LRRC4C: variants seen among roughly 807,000 people sequenced by gnomAD.
LRRC4C encodes the protein leucine rich repeat containing 4C.
Under a neutral mutation model 33.6 loss-of-function variants are expected in LRRC4C, and 5 were observed. The ratio of observed to expected loss-of-function variants is 0.15; its 90% CI spans 0.08 to 0.31. LRRC4C has a LOEUF of 0.31. Ranked by LOEUF, LRRC4C falls within the 10% of genes least tolerant of loss-of-function variation. The probability of loss-of-function intolerance (pLI) is 1.00; values close to 1 mark genes in which losing one functional copy is unlikely to be tolerated. For synonymous variants in LRRC4C, 329 were observed against 302.0 expected (o/e 1.09, Z -0.93); for missense variants, 560 against 796.7 (o/e 0.70, Z 3.58).
chr11:40,479,736 G>A lies in LRRC4C; in HGVS notation c.-269-160015C>T, dbSNP rs547054430. Among the ~76,000 whole-genome samples, 7 of 152,030 alleles carry A rather than the reference G, an allele frequency of 4.6e-5. No individual in the cohort carries two copies. The East Asian group carries it at 1.2e-3, about 25-fold the overall frequency. ...ATTTTATTTCTTAAGAAAACCCAACGTTTGTTTTCTTGCAAGATTTTCATT... is the reference window on the plus strand; with the variant it reads ...ATTTTATTTCTTAAGAAAACCCAACATTTGTTTTCTTGCAAGATTTTCATT... On this transcript the variant is annotated intron_variant, in intron 3 of 6. Coordinates refer to ENST00000528697, the MANE Select transcript of LRRC4C (RefSeq NM_001258419.2).
At chr11:40,867,125 C>A (rs1954405395) in intron 2 of LRRC4C, among the ~76,000 whole-genome samples, 1 of 152,140 alleles carries the variant, frequency 6.6e-6, no homozygotes, top group South Asian at 2.1e-4. Context: ...ACTTATTTTG[C>A]TTTCTCCAGT....
intron 2 of LRRC4C, among the ~76,000 whole-genome samples, chr11:40,871,735 C>T (rs570258190): frequency 6.6e-6 from 1 of 152,070 alleles, no homozygotes; most frequent in South Asian, 2.1e-4. Context: ...TTAAAAGGAC[C>T]GTTCAGGCAT....
chr11:40,260,024 T>C (rs1402386796), intron 4 of LRRC4C, among the ~76,000 whole-genome samples: 1 of 141,838 alleles, frequency 7.1e-6, no homozygotes, highest in Non-Finnish European at 1.5e-5. Flanking sequence ...GAACTAGAAA[T>C]ACCATTTGAC....
chr11:40,397,142 T>C (rs1487263546), intron 3 of LRRC4C, among the ~76,000 whole-genome samples: 1 of 152,098 alleles, frequency 6.6e-6, no homozygotes, highest in Non-Finnish European at 1.5e-5. Context: ...GTAACGTATA[T>C]TTAAATGATC....
intron 2 of LRRC4C, among the ~76,000 whole-genome samples, chr11:40,798,145 A>T (rs1048421970): frequency 6.6e-6 from 1 of 152,240 alleles, no homozygotes; most frequent in Non-Finnish European, 1.5e-5. Flanking sequence ...AGAGGTCTGC[A>T]TGTGTAAGAT....
chr11:40,384,655 C>T (rs1484457816), intron 3 of LRRC4C, among the ~76,000 whole-genome samples: 1 of 152,094 alleles, frequency 6.6e-6, no homozygotes, highest in African/African-American at 2.4e-5. Context: ...AACAGACTTC[C>T]TAATGCCTGA....
intron 3 of LRRC4C, among the ~76,000 whole-genome samples, chr11:40,562,519 T>C (rs1399987198): frequency 9.5e-6 from 1 of 105,560 alleles, no homozygotes; most frequent in Non-Finnish European, 2.0e-5. Context: ...CTTTGCATTA[T>C]GCATGAGGAA....
intron 3 of LRRC4C, among the ~76,000 whole-genome samples, chr11:40,616,805 A>G (rs1459572392): frequency 6.6e-6 from 1 of 151,886 alleles, no homozygotes; most frequent in African/African-American, 2.4e-5. Flanking sequence ...GATATACCTA[A>G]TGTTAAATGA....
chr11:40,699,000 A>G (rs1945724504), intron 2 of LRRC4C, among the ~76,000 whole-genome samples: 1 of 152,140 alleles, frequency 6.6e-6, no homozygotes, highest in African/African-American at 2.4e-5. Context: ...GCCAAACCAT[A>G]TCCAACACAA....
chr11:40,450,739 C>T (rs1460105518), intron 3 of LRRC4C, among the ~76,000 whole-genome samples: 1 of 149,348 alleles, frequency 6.7e-6, no homozygotes, highest in Admixed American at 6.7e-5. Flanking sequence ...CATCAGTTTA[C>T]CTATACAACA....
intron 1 of LRRC4C, among the ~76,000 whole-genome samples, chr11:41,375,763 G>C (rs780676394): frequency 1.6e-4 from 25 of 152,096 alleles, no homozygotes; most frequent in Non-Finnish European, 2.9e-4. Flanking sequence ...TTGCCTGCTT[G>C]TCTATAGTAT....
intron 3 of LRRC4C, among the ~76,000 whole-genome samples, chr11:40,521,062 G>T (rs951572466): frequency 6.6e-6 from 1 of 151,962 alleles, no homozygotes; most frequent in Non-Finnish European, 1.5e-5. Flanking sequence ...CATTAATAAA[G>T]CAACAAAAGC....
At chr11:40,491,743 T>G (rs1023597270) in intron 3 of LRRC4C, among the ~76,000 whole-genome samples, 1 of 152,148 alleles carries the variant, frequency 6.6e-6, no homozygotes, top group Non-Finnish European at 1.5e-5. Context: ...CAAAATCAAC[T>G]GATTAGGGGC....
intron 3 of LRRC4C, among the ~76,000 whole-genome samples, chr11:40,546,716 G>C (rs1956939983): frequency 6.6e-6 from 1 of 152,056 alleles, no homozygotes; most frequent in Non-Finnish European, 1.5e-5. Flanking sequence ...CCAATCATCA[G>C]AATAGCAGAA....
intron 1 of LRRC4C, among the ~76,000 whole-genome samples, chr11:41,363,347 T>C (rs944361651): frequency 3.3e-5 from 5 of 152,212 alleles, no homozygotes; most frequent in Non-Finnish European, 7.3e-5. Context: ...GAGCAAAACA[T>C]CCATTCTGAA....
intron 1 of LRRC4C, among the ~76,000 whole-genome samples, chr11:41,351,635 C>T (rs1455978113): frequency 2.0e-5 from 3 of 152,176 alleles, no homozygotes; most frequent in Non-Finnish European, 4.4e-5. Context: ...ATCAGGCTAA[C>T]AGCAGAACTT....
At position 40,613,360 on chromosome 11, in the gene LRRC4C, T is replaced by G. The variant is rs1298901013; in HGVS notation, c.-270+34782A>C. ...ATGTTCACAGTATTTTGACCAGGAA[T>G]ATATTCTATCTCAAGAAACCACTTT... On this transcript the variant is annotated intron_variant, in intron 3 of 6. Transcript: ENST00000528697. Among the ~76,000 whole-genome samples the G allele has an allele frequency of 2.0e-5, 3 of 151,856 alleles. No individual in the cohort carries two copies. The East Asian group carries it at 5.8e-4, about 29-fold the overall frequency.
chr11:40,969,927 G>A (rs1360102999), intron 1 of LRRC4C, among the ~76,000 whole-genome samples: 1 of 152,104 alleles, frequency 6.6e-6, no homozygotes, highest in Non-Finnish European at 1.5e-5. Context: ...TGGGCGGTGG[G>A]TCATTGCTTT....
intron 2 of LRRC4C, among the ~76,000 whole-genome samples, chr11:40,663,639 A>G (rs1943565134): frequency 6.6e-6 from 1 of 152,222 alleles, no homozygotes; most frequent in Non-Finnish European, 1.5e-5. Flanking sequence ...CCAAACAGAA[A>G]GATGCATATC....
Sources: gnomAD v4.1 joint callset for allele counts (sites outside exome capture counted in the v4.1 genomes callset) on GRCh38, gnomAD v4.1.1 for gene constraint, MANE v1.5 for transcripts, NCBI Gene and HGNC (gene_info 2026-07-23, HGNC 2026-07-21) for gene names.